The following ADA2 variants were observed in gnomAD, a reference collection of about 807,000 sequenced individuals.
The protein encoded by ADA2 is adenosine deaminase 2.
Under a neutral mutation model 44.2 loss-of-function variants are expected in ADA2, and 29 were observed. That is an observed-to-expected ratio of 0.66 (90% CI 0.49 to 0.89). The LOEUF (loss-of-function observed/expected upper bound fraction) is 0.89. Ranked by LOEUF, ADA2 falls within the 40% of genes least tolerant of loss-of-function variation. The pLI, the probability that ADA2 is intolerant of heterozygous loss-of-function variation, is 0.00. For synonymous variants in ADA2, 215 were observed against 234.9 expected, an observed-to-expected ratio of 0.92 and a Z score of 0.77; for missense variants, 637 against 644.8, an observed-to-expected ratio of 0.99 and a Z score of 0.13.
chr22:17,202,703 C>T (rs2123697244), intron 4 of ADA2, among the ~76,000 whole-genome samples: 1 of 152,204 alleles, frequency 6.6e-6, no homozygotes, highest in East Asian at 1.9e-4. Context: ...ACACTCAGAG[C>T]CTTTAATCAG....
In ADA2 at chr22:17,182,590, T is replaced by C. The variant is rs981010876; in HGVS notation, c.1239+14A>G. 6.2e-7 allele frequency: 1 copy of C among 1,613,834 alleles called. No homozygotes were observed. Among genetic ancestry groups the C allele is most frequent in the Non-Finnish European group, 8.5e-7 (1 of 1,179,864 alleles). ...GGGAGATCATATGGGATTAGCCACA[T>C]GGGTCACACATACCTGGTTAGAGAT... On this transcript the variant is annotated intron_variant, in intron 8 of 9. Coordinates refer to ENST00000399837, the MANE Select transcript of ADA2 (RefSeq NM_001282225.2).
chr22:17,220,618 C>T (rs1163781139), upstream of ADA2, among the ~76,000 whole-genome samples: 6 of 152,100 alleles, frequency 3.9e-5, no homozygotes, highest in Non-Finnish European at 8.8e-5. Flanking sequence ...TGGGAGGCTA[C>T]ACCAGGGACC....
chr22:17,204,794 C>CT (rs535426763), intron 3 of ADA2, among the ~76,000 whole-genome samples: 73,073 of 132,908 alleles, frequency 0.55, 20,767 homozygotes, highest in Middle Eastern at 0.68. Flanking sequence ...TCAATTCCTT[C>CT]TTTTTTTTTT....
chr22:17,192,846 G>GTA (rs2062137147), intron 4 of ADA2: 1 of 384,248 alleles, frequency 2.6e-6, no homozygotes, highest in Admixed American at 3.7e-5. Flanking sequence ...AAAAAGGGGG[G>GTA]GCCCTCTCTC....
chr22:17,210,639 C>A (rs2062409227), intron 1 of ADA2, among the ~76,000 whole-genome samples: 1 of 151,744 alleles, frequency 6.6e-6, no homozygotes, highest in Non-Finnish European at 1.5e-5. Context: ...GCTCTGTCAC[C>A]CAGGCTGGAC....
At chr22:17,215,567 T>C (rs9617973) in intron 1 of ADA2, among the ~76,000 whole-genome samples, 10,022 of 150,450 alleles carry the variant, frequency 0.067, 857 homozygotes, top group African/African-American at 0.2. Flanking sequence ...GATCATGCCA[T>C]TGCACTCCAG....
chr22:17,203,186 C>T (rs1881364098), intron 4 of ADA2, among the ~76,000 whole-genome samples: 1 of 152,186 alleles, frequency 6.6e-6, no homozygotes, highest in Non-Finnish European at 1.5e-5. Context: ...TATGCATCTG[C>T]ATGTCTCTTG....
At chr22:17,208,763 A>C (rs1300462194) in intron 2 of ADA2, among the ~76,000 whole-genome samples, 1 of 152,054 alleles carries the variant, frequency 6.6e-6, no homozygotes, top group Non-Finnish European at 1.5e-5. Flanking sequence ...AGATCACACC[A>C]GTGCACTTCA....
intron 4 of ADA2, chr22:17,199,929 T>C: frequency 2.9e-6 from 1 of 347,078 alleles, no homozygotes; most frequent in Non-Finnish European, 5.1e-6. Context: ...GCGCGGTGGC[T>C]CACGCCTGTA....
chr22:17,203,688 T>C lies in ADA2; in HGVS notation c.628A>G (p.Ile210Val). Residue 210 changes from isoleucine to valine, a missense_variant, in exon 4 of 10, where the codon ATC (isoleucine) becomes GTC (valine). Physicochemically the swap from Ile to Val is conservative, Grantham distance 29. Transcript: ENST00000399837. ...ATGAGACCAGAGATGGTGAAGAAGA[T>C]GGTTTCAAATTTCGACCAGACAACA... Reference protein sequence around the residue: ...QNVVWSKFETIFFTISGLIHY... With the variant: ...QNVVWSKFETVFFTISGLIHY... 6.2e-7 allele frequency: 1 copy of C among 1,614,110 alleles called. No individual in the cohort carries two copies.
chr22:17,194,046 A>G (rs2062159114), intron 4 of ADA2, among the ~76,000 whole-genome samples: 1 of 151,416 alleles, frequency 6.6e-6, no homozygotes, highest in South Asian at 2.1e-4. Flanking sequence ...GAAACAATAG[A>G]ATAAGTGCTA....
At chr22:17,210,391 T>C (rs980738270) in intron 1 of ADA2, among the ~76,000 whole-genome samples, 1 of 151,454 alleles carries the variant, frequency 6.6e-6, no homozygotes, top group African/African-American at 2.4e-5. Context: ...GGTTTCTCCA[T>C]GTTGGTCAGG....
intron 4 of ADA2, among the ~76,000 whole-genome samples, chr22:17,194,971 C>T (rs140541163): frequency 3.3e-5 from 5 of 152,024 alleles, no homozygotes; most frequent in East Asian, 3.9e-4. Flanking sequence ...CCCTTACCAC[C>T]GGAAACAGAA....
At chr22:17,208,818 T>TTTTTTTTTTTTTTTTTTTTTTTGAGACGG in intron 2 of ADA2, among the ~76,000 whole-genome samples, 1 of 150,334 alleles carries the variant, frequency 6.7e-6, no homozygotes, top group Non-Finnish European at 1.5e-5. Flanking sequence ...AAATTTTTTT[T>TTTTTTTTTTTTTTTTTTTTTTTGAGACGG]AATAAAAAAA....
chr22:17,203,470 T>G, intron 4 of ADA2, 93 bp downstream of exon 4: 3 of 1,026,420 alleles, frequency 2.9e-6, no homozygotes, highest in Non-Finnish European at 4.5e-6. Context: ...ACCTGAGTGG[T>G]CAATTCATGA....
chr22:17,191,661 T>C, intron 5 of ADA2, 22 bp downstream of exon 5: 1 of 1,611,834 alleles, frequency 6.2e-7, no homozygotes, highest in Non-Finnish European at 8.5e-7. Flanking sequence ...AACCCGAGCT[T>C]TTCAGCAATA....
At position 17,180,901 on chromosome 22, in the gene ADA2, C is replaced by T. The variant is rs7285896; in HGVS notation, c.*582G>A. The T allele has an allele frequency of 0.24, 36,654 of 152,296 alleles. 4,698 individuals carry two copies. The highest frequency in any genetic ancestry group is 0.28 in the Non-Finnish European group (19,000 of 68,172). The allele number at this position is 152,296 out of a possible 1,614,324, so 9.4% of individuals were successfully genotyped here. A position where few individuals can be genotyped will look rare whatever the true frequency, so the allele number is the denominator to read the frequency against. Reference sequence around the variant, plus strand: ...CCTGTAATTCCAGCACTTTGGGAGCCAAGGGGCGAGTGGATCACCTGAGGT... The same window carrying T: ...CCTGTAATTCCAGCACTTTGGGAGCTAAGGGGCGAGTGGATCACCTGAGGT... On this transcript the variant is annotated 3_prime_UTR_variant, in exon 10 of 10. Transcript: ENST00000399837.
chr22:17,214,161 G>A (rs1049661383), intron 1 of ADA2: 28 of 691,852 alleles, frequency 4.0e-5, no homozygotes, highest in South Asian at 3.0e-4. Flanking sequence ...CGAAATAGCC[G>A]CCTGCCCCCA....
chr22:17,205,512 G>A (rs1364158673), intron 3 of ADA2, among the ~76,000 whole-genome samples: 1 of 152,158 alleles, frequency 6.6e-6, no homozygotes, highest in South Asian at 2.1e-4. Flanking sequence ...GAAATAACTC[G>A]AATCAGCACC....
Sources: allele counts gnomAD v4.1 joint callset (sites outside exome capture counted in the v4.1 genomes callset), GRCh38; gene constraint gnomAD v4.1.1; transcripts MANE v1.5; gene names NCBI Gene and HGNC (gene_info 2026-07-23, HGNC 2026-07-21).